Variants in KCNQ3 observed in about 807,000 individuals in gnomAD.
KCNQ3 encodes potassium voltage-gated channel subfamily Q member 3, also known as potassium voltage-gated channel subfamily KQT member 3.
A neutral mutation model predicts 92.5 loss-of-function variants in KCNQ3; 30 were observed. The ratio of observed to expected loss-of-function variants is 0.32; its 90% confidence interval spans 0.24 to 0.44. The LOEUF (loss-of-function observed/expected upper bound fraction) is 0.44. Ranked by LOEUF, KCNQ3 falls within the 20% of genes least tolerant of loss-of-function variation. The pLI, the probability that KCNQ3 is intolerant of heterozygous loss-of-function variation, is 1.00. For synonymous variants in KCNQ3, 450 were observed against 468.8 expected, an observed-to-expected ratio of 0.96 and a Z score of 0.52; for missense variants, 913 against 1,140.3, an observed-to-expected ratio of 0.80 and a Z score of 2.87.
intron 1 of KCNQ3, among the ~76,000 whole-genome samples, chr8:132,213,292 G>A (rs998576661): frequency 2.0e-5 from 3 of 152,208 alleles, no homozygotes; most frequent in African/African-American, 4.8e-5. Flanking sequence ...TCCCACCAGT[G>A]GCACCAGGGG....
At chr8:132,376,954 G>A (rs917898180) in intron 1 of KCNQ3, among the ~76,000 whole-genome samples, 4 of 152,208 alleles carry the variant, frequency 2.6e-5, no homozygotes, top group African/African-American at 7.2e-5. Flanking sequence ...GGAAGAGACT[G>A]AGCTATGAAA....
intron 3 of KCNQ3, among the ~76,000 whole-genome samples, chr8:132,182,569 G>C (rs1353513976): frequency 1.3e-5 from 2 of 152,264 alleles, no homozygotes; most frequent in African/African-American, 4.8e-5. Flanking sequence ...CTTCCCCAAG[G>C]GGGATGCACC....
intron 1 of KCNQ3, among the ~76,000 whole-genome samples, chr8:132,201,424 C>T (rs539210710): frequency 7.4e-4 from 113 of 152,208 alleles, no homozygotes; most frequent in African/African-American, 2.6e-3. Context: ...ACTCACAGCA[C>T]AATTCATCCT....
intron 1 of KCNQ3, among the ~76,000 whole-genome samples, chr8:132,212,294 A>G (rs1217170412): frequency 2.0e-5 from 3 of 152,050 alleles, no homozygotes. Flanking sequence ...CTTCAGCACC[A>G]AAAACCTCTA....
chr8:132,194,334 G>A (rs1399757748), intron 1 of KCNQ3, among the ~76,000 whole-genome samples: 1 of 152,204 alleles, frequency 6.6e-6, no homozygotes, highest in African/African-American at 2.4e-5. Flanking sequence ...AACTGCGTGA[G>A]GATCCTACTG....
intron 1 of KCNQ3, among the ~76,000 whole-genome samples, chr8:132,452,089 C>T (rs1361089236): frequency 6.6e-6 from 1 of 152,190 alleles, no homozygotes; most frequent in Admixed American, 6.5e-5. Flanking sequence ...CTAAAATATA[C>T]ATAACATAAA....
At chr8:132,290,030 G>C (rs570928852) in intron 1 of KCNQ3, among the ~76,000 whole-genome samples, 1 of 152,098 alleles carries the variant, frequency 6.6e-6, no homozygotes, top group Non-Finnish European at 1.5e-5. Context: ...AATGGTTTTG[G>C]GTACAGCAGA....
At chr8:132,364,833 C>T (rs1819274654) in intron 1 of KCNQ3, among the ~76,000 whole-genome samples, 1 of 152,072 alleles carries the variant, frequency 6.6e-6, no homozygotes, top group Non-Finnish European at 1.5e-5. Flanking sequence ...TAATAACAAA[C>T]ATTGATAAAT....
At position 132,480,501 on chromosome 8, in the gene KCNQ3, G is replaced by A. The variant is rs1822534206; in HGVS notation, c.32C>T (p.Ala11Val). The A allele has an allele frequency of 8.8e-7, 1 of 1,134,838 alleles. No homozygotes were observed. The highest frequency in any genetic ancestry group is 1.1e-6 in the Non-Finnish European group (1 of 931,676). 70.3% of individuals were successfully genotyped at this position (1,134,838 alleles called of 1,614,324 possible). A position where few individuals can be genotyped will look rare whatever the true frequency, so the allele number is the denominator to read the frequency against. The change falls in exon 1 of 15, where the codon GCG becomes GTG. Residue 11 changes from alanine (A) to valine (V), a missense_variant. By Grantham distance (64) the Ala-to-Val change is moderately conservative. Coordinates refer to ENST00000388996, the MANE Select transcript of KCNQ3 (RefSeq NM_004519.4). The part of the protein sequence containing the change: MGLKARRAAG[A>V]AGGGGDGGGG... ...GCCCCCGTCGCCGCCGCCGCCAGCC[G>A]CCCCCGCCGCCCTGCGCGCCTTGAG...
chr8:132,397,541 A>T (rs1246543945), intron 1 of KCNQ3, among the ~76,000 whole-genome samples: 2 of 152,174 alleles, frequency 1.3e-5, no homozygotes, highest in Non-Finnish European at 2.9e-5. Flanking sequence ...TACAAAGTAG[A>T]TGCTCATGAA....
chr8:132,446,119 T>G (rs1270573964), intron 1 of KCNQ3, among the ~76,000 whole-genome samples: 1 of 152,160 alleles, frequency 6.6e-6, no homozygotes, highest in African/African-American at 2.4e-5. Flanking sequence ...GCTGGGTTAC[T>G]GTTTGCCTCT....
chr8:132,203,613 A>G (rs139378693), intron 1 of KCNQ3, among the ~76,000 whole-genome samples: 1 of 152,204 alleles, frequency 6.6e-6, no homozygotes, highest in South Asian at 2.1e-4. Context: ...CAGGAGTCAG[A>G]CAGGGAATGA....
chr8:132,240,182 C>CTTTTT (rs11342824), intron 1 of KCNQ3, among the ~76,000 whole-genome samples: 15 of 111,872 alleles, frequency 1.3e-4, no homozygotes, highest in Non-Finnish European at 1.6e-4. Context: ...TGCCATGATT[C>CTTTTT]TTTTTTTTTT....
chr8:132,350,379 T>G (rs1818824989), intron 1 of KCNQ3, among the ~76,000 whole-genome samples: 1 of 152,174 alleles, frequency 6.6e-6, no homozygotes, highest in Non-Finnish European at 1.5e-5. Context: ...TCAGCTTCCC[T>G]TTGTTCTAGT....
chr8:132,346,434 A>G (rs1308937087), intron 1 of KCNQ3, among the ~76,000 whole-genome samples: 2 of 152,156 alleles, frequency 1.3e-5, no homozygotes, highest in African/African-American at 4.8e-5. Flanking sequence ...AGCATTTCCA[A>G]AGGTCGGGAT....
intron 9 of KCNQ3, among the ~76,000 whole-genome samples, chr8:132,160,028 A>AAT (rs1437138848): frequency 6.6e-5 from 10 of 152,298 alleles, no homozygotes; most frequent in African/African-American, 2.4e-4. Flanking sequence ...CAACTGACTT[A>AAT]ATATATATAA....
intron 1 of KCNQ3, among the ~76,000 whole-genome samples, chr8:132,376,641 T>G (rs138926118): frequency 6.6e-6 from 1 of 152,370 alleles, no homozygotes; most frequent in Non-Finnish European, 1.5e-5. Context: ...CCCAATCTCT[T>G]TGTTTTTTGA....
chr8:132,288,697 T>C (rs1816750355), intron 1 of KCNQ3, among the ~76,000 whole-genome samples: 1 of 152,200 alleles, frequency 6.6e-6, no homozygotes, highest in Admixed American at 6.5e-5. Flanking sequence ...GTGTTTTTTT[T>C]TCTCTTACAT....
At chr8:132,409,740 T>C (rs1167619810) in intron 1 of KCNQ3, among the ~76,000 whole-genome samples, 1 of 152,178 alleles carries the variant, frequency 6.6e-6, no homozygotes, top group Non-Finnish European at 1.5e-5. Flanking sequence ...TTCCCTATTT[T>C]AGAGTCAGTG....
Sources: allele counts gnomAD v4.1 joint callset (sites outside exome capture counted in the v4.1 genomes callset), GRCh38; gene constraint gnomAD v4.1.1; transcripts MANE v1.5; gene names NCBI Gene and HGNC (gene_info 2026-07-23, HGNC 2026-07-21).